Variants in CEACAM16 observed in about 807,000 individuals in gnomAD.
CEACAM16 encodes CEA cell adhesion molecule 16, tectorial membrane component.
CEACAM16 carries 30 observed loss-of-function variants against 39.4 expected under a neutral mutation model. That is an observed-to-expected ratio of 0.76 (90% CI 0.57 to 1.03). CEACAM16 has a LOEUF of 1.03. Among genes scored for constraint, CEACAM16 ranks in the 50% least tolerant of loss-of-function variants. CEACAM16 has a pLI of 0.00. For synonymous variants in CEACAM16, 262 were observed against 264.9 expected (o/e 0.99, Z 0.11); for missense variants, 521 against 585.3 (o/e 0.89, Z 1.13).
At chr19:44,707,447 TG>T (rs1207843665) in intron 5 of CEACAM16, among the ~76,000 whole-genome samples, 1 of 152,150 alleles carries the variant, frequency 6.6e-6, no homozygotes, top group African/African-American at 2.4e-5. Flanking sequence ...TTACACATTC[TG>T]GGGTCTCTCG....
At position 44,704,253 on chromosome 19, in the gene CEACAM16, G is replaced by A. The variant is rs376972162; in HGVS notation, c.618G>A (p.Pro206=). 1.3e-4 allele frequency: 206 copies of A among 1,539,498 alleles called. No individual in the cohort carries two copies. The highest frequency in any genetic ancestry group is 1.6e-4 in the Non-Finnish European group (180 of 1,140,926). Residue 206 remains proline, a synonymous_variant, in exon 4 of 7, where the codon CCG becomes CCA. Coordinates refer to ENST00000587331, the MANE Select transcript of CEACAM16 (RefSeq NM_001039213.4). ...AGAYQCEVWN[P]VSVSRSEPIN... ...CCTATCAGTGTGAGGTGTGGAACCC[G>A]GTCAGTGTCAGCCGCAGCGAGCCCA...
In CEACAM16 at chr19:44,704,150, C is replaced by A. The variant is rs759661265; in HGVS notation, c.515C>A (p.Pro172His). The part of the protein sequence containing the change: ...VRWFFNGGAL[P>H]VALRLGLSPD... ...TGGTTCTTCAACGGTGGGGCCCTGCCCGTCGCTCTCCGCCTGGGCCTGTCC... is the reference window on the plus strand; with the variant it reads ...TGGTTCTTCAACGGTGGGGCCCTGCACGTCGCTCTCCGCCTGGGCCTGTCC... Residue 172 changes from proline to histidine, a missense_variant, in exon 4 of 7, where the codon CCC becomes CAC. Coordinates refer to ENST00000587331, the MANE Select transcript of CEACAM16 (RefSeq NM_001039213.4). 2 of 1,589,634 alleles carry A rather than the reference C, an allele frequency of 1.3e-6. No homozygotes were observed. The highest frequency in any genetic ancestry group is 3.5e-5 in the Admixed American group (2 of 56,928).
chr19:44,707,746 C>A (rs758529269), intron 5 of CEACAM16, 115 bp from the exon 6 acceptor site: 2 of 894,646 alleles, frequency 2.2e-6, no homozygotes, highest in Non-Finnish European at 3.3e-6. Context: ...AGTCTCCTTC[C>A]CAGCACCCTA....
rs1974347654 is a variant in CEACAM16 at position 44,701,549 on chromosome 19, G to C, written c.37+56G>C. 5.3e-6 allele frequency: 8 copies of C among 1,511,976 alleles called. No individual in the cohort carries two copies. In the Admixed American group the frequency reaches 1.6e-4, roughly 30 times the overall value. The allele number at this position is 1,511,976 out of a possible 1,614,324, so 93.7% of individuals were successfully genotyped here. A position where few individuals can be genotyped will look rare whatever the true frequency, so the allele number is the denominator to read the frequency against. On this transcript the variant is annotated intron_variant, in intron 2 of 6. Coordinates refer to ENST00000587331, the MANE Select transcript of CEACAM16 (RefSeq NM_001039213.4). This position sits in a 1 kb window ranked among gnomAD's most constrained non-coding sequence, Gnocchi z 4.0. ...AGCCCCCCGAGGACCCCAGGGAGGGGAGGGGACCCCCAGTCTGAGAGAGGG... is the reference window on the plus strand; with the variant it reads ...AGCCCCCCGAGGACCCCAGGGAGGGCAGGGGACCCCCAGTCTGAGAGAGGG...
chr19:44,699,426 C>T (rs1428016679), intron 1 of CEACAM16, 166 bp downstream of exon 1: 1 of 470,812 alleles, frequency 2.1e-6, no homozygotes, highest in Non-Finnish European at 4.4e-6. Context: ...TGTCCAGAGC[C>T]TATACTTTTT....
At chr19:44,707,186 C>T (rs1272592272) in intron 5 of CEACAM16, among the ~76,000 whole-genome samples, 1 of 152,068 alleles carries the variant, frequency 6.6e-6, no homozygotes, top group African/African-American at 2.4e-5. Context: ...ATGGGGTATC[C>T]ACCTTTGGGG....
At chr19:44,708,719 T>C (rs552328046) in intron 6 of CEACAM16, among the ~76,000 whole-genome samples, 1 of 152,136 alleles carries the variant, frequency 6.6e-6, no homozygotes, top group Non-Finnish European at 1.5e-5. Flanking sequence ...GGGCAAAGTT[T>C]CTATCATCAG....
At position 44,701,559 on chromosome 19, in the gene CEACAM16, C is replaced by A; in HGVS notation, c.37+66C>A. The A allele has an allele frequency of 2.1e-6, 3 of 1,461,442 alleles. No individual in the cohort carries two copies. Among genetic ancestry groups the A allele is most frequent in the Non-Finnish European group, 2.8e-6 (3 of 1,069,686 alleles). The allele number at this position is 1,461,442 out of a possible 1,614,324, so 90.5% of individuals were successfully genotyped here. On this transcript the variant is annotated intron_variant, in intron 2 of 6. Transcript: ENST00000587331. This position sits in a 1 kb window ranked among gnomAD's most constrained non-coding sequence, Gnocchi z 4.0. ...GGACCCCAGGGAGGGGAGGGGACCC[C>A]CAGTCTGAGAGAGGGAAGGTGTGAG...
At chr19:44,710,078 G>A (rs1387251690) in intron 6 of CEACAM16, among the ~76,000 whole-genome samples, 1 of 152,208 alleles carries the variant, frequency 6.6e-6, no homozygotes, top group Admixed American at 6.5e-5. Context: ...CCAGCAGACA[G>A]AGCATTCTCA....
intron 4 of CEACAM16, among the ~76,000 whole-genome samples, chr19:44,704,853 G>T (rs1258494744): frequency 1.3e-5 from 2 of 152,136 alleles, no homozygotes; most frequent in African/African-American, 4.8e-5. Flanking sequence ...TCAGTTAGGA[G>T]CAATATCTAC....
In CEACAM16 at chr19:44,703,352, C is replaced by T. The variant is rs1371586140; in HGVS notation, c.41C>T (p.Thr14Ile). 7.5e-6 allele frequency: 12 copies of T among 1,608,288 alleles called. No individual in the cohort carries two copies. The highest frequency in any genetic ancestry group is 3.3e-5 in the South Asian group (3 of 90,890). Residue 14 changes from threonine (T) to isoleucine (I), a missense_variant, in exon 3 of 7, where the codon ACA (threonine) becomes ATA (isoleucine). Thr to Ile is a moderately conservative substitution (Grantham distance 89). Transcript: ENST00000587331. ...CCCTCTGACTCCTCTTCCTCAGCCA[C>T]ATTCCTGAATGTGGGGGCCGAGATC... ...TGYSWLLLSATFLNVGAEISI... is the reference protein window; with the variant it reads ...TGYSWLLLSAIFLNVGAEISI...
intron 1 of CEACAM16, among the ~76,000 whole-genome samples, chr19:44,699,688 C>T (rs558283980): frequency 4.6e-5 from 7 of 152,128 alleles, no homozygotes; most frequent in Admixed American, 3.9e-4. Flanking sequence ...TGAGCCACCA[C>T]GCCCGGCCAG....
At chr19:44,699,664 A>G (rs951804053) in intron 1 of CEACAM16, among the ~76,000 whole-genome samples, 15 of 152,074 alleles carry the variant, frequency 9.9e-5, no homozygotes, top group African/African-American at 3.6e-4. Context: ...GGCATGAGCC[A>G]CTGCGTCCGG....
Position 44,701,093 on chromosome 19 carries a change from C to A in CEACAM16, c.-96-268C>A, listed in dbSNP as rs922191888. Among the ~76,000 whole-genome samples, 1 of 152,230 alleles carries A rather than the reference C, an allele frequency of 6.6e-6. No individual in the cohort carries two copies. Among genetic ancestry groups the A allele is most frequent in the African/African-American group, 2.4e-5 (1 of 41,454 alleles). On this transcript the variant is annotated intron_variant, in intron 1 of 6. Transcript: ENST00000587331. The surrounding 1 kb of genome is among the most constrained non-coding windows in gnomAD (Gnocchi z 4.0). The stretch of plus-strand genomic sequence containing the variant: ...CAGGCTCTCTGAGGAGGCCACGGGC[C>A]TGGGTGGTTGGTAAGAACTACCCGA...
rs771309051 is a variant in CEACAM16 at position 44,704,272 on chromosome 19, G to A, written c.637G>A (p.Glu213Lys). Residue 213 changes from glutamate (E) to lysine (K), a missense_variant, in exon 4 of 7, where the codon GAG becomes AAG. By Grantham distance (56) the Glu-to-Lys change is moderately conservative (BLOSUM62 1). Transcript: ENST00000587331. ...GAACCCGGTCAGTGTCAGCCGCAGC[G>A]AGCCCATCAACCTGACCGTGTACTG... ...VWNPVSVSRS[E>K]PINLTVYFGP... The A allele has an allele frequency of 1.8e-5, 28 of 1,526,322 alleles. No homozygotes were observed. Among genetic ancestry groups the A allele is most frequent in the Admixed American group, 8.0e-5 (4 of 50,206 alleles). The allele number at this position is 1,526,322 out of a possible 1,614,324, so 94.5% of individuals were successfully genotyped here. A position where few individuals can be genotyped will look rare whatever the true frequency, so the allele number is the denominator to read the frequency against.
chr19:44,708,646 C>T (rs751577363), intron 6 of CEACAM16, among the ~76,000 whole-genome samples: 1 of 152,182 alleles, frequency 6.6e-6, no homozygotes, highest in Non-Finnish European at 1.5e-5. Context: ...AATCAGGCCT[C>T]CCTATTCAGA....
intron 2 of CEACAM16, among the ~76,000 whole-genome samples, chr19:44,703,050 T>A (rs917657030): frequency 1.3e-5 from 2 of 152,232 alleles, no homozygotes; most frequent in African/African-American, 2.4e-5. Context: ...ATGGTATGTA[T>A]ACAGAATCCT....
chr19:44,710,623 TCTC>T lies in CEACAM16; in HGVS notation c.*120_*122del, dbSNP rs1024925180. The stretch of plus-strand genomic sequence containing the variant: ...GGATGCCAGGCTGTGGTCCTGCTGT[TCTC>T]CTGCCTCCACCCTAGAGCTAGAGCC... On this transcript the variant is annotated 3_prime_UTR_variant, in exon 7 of 7. Transcript: ENST00000587331. 7 of 1,429,870 alleles carry T rather than the reference TCTC, an allele frequency of 4.9e-6. No individual in the cohort carries two copies. Among genetic ancestry groups the T allele is most frequent in the Non-Finnish European group, 5.9e-6 (6 of 1,017,434 alleles). The allele number at this position is 1,429,870 out of a possible 1,614,324, so 88.6% of individuals were successfully genotyped here. A position where few individuals can be genotyped will look rare whatever the true frequency, so the allele number is the denominator to read the frequency against.
In CEACAM16 at chr19:44,710,547, C is replaced by A; in HGVS notation, c.*41C>A. The A allele has an allele frequency of 6.2e-7, 1 of 1,613,438 alleles. No individual in the cohort carries two copies. Among genetic ancestry groups the A allele is most frequent in the Non-Finnish European group, 8.5e-7 (1 of 1,179,438 alleles). ...GACGTCCAGAGAGAAGAGCTCTTCGCACCATCCTCTGGTCCTCGCCCTCTG... is the reference window on the plus strand; with the variant it reads ...GACGTCCAGAGAGAAGAGCTCTTCGAACCATCCTCTGGTCCTCGCCCTCTG... On this transcript the variant is annotated 3_prime_UTR_variant, in exon 7 of 7. Coordinates refer to ENST00000587331, the MANE Select transcript of CEACAM16 (RefSeq NM_001039213.4).
Sources: allele counts gnomAD v4.1 joint callset (sites outside exome capture counted in the v4.1 genomes callset), GRCh38; gene constraint gnomAD v4.1.1; non-coding constraint Gnocchi (gnomAD v3.1); transcripts MANE v1.5; gene names NCBI Gene and HGNC (gene_info 2026-07-23, HGNC 2026-07-21).